Variants in PIK3CD observed in about 807,000 individuals in gnomAD.
The protein encoded by PIK3CD is phosphatidylinositol 4,5-bisphosphate 3-kinase catalytic subunit delta isoform.
Under a neutral mutation model 122.9 loss-of-function variants are expected in PIK3CD, and 20 were observed. The ratio of observed to expected loss-of-function variants is 0.16; its 90% confidence interval spans 0.11 to 0.24. The LOEUF is 0.24. PIK3CD is among the 10% of genes least tolerant of loss of function. The pLI, the probability that PIK3CD is intolerant of heterozygous loss-of-function variation, is 1.00. For missense variants in PIK3CD, 787 were observed against 1,406.3 expected (o/e 0.56, Z 7.04); for synonymous variants, 596 against 593.4 (o/e 1.00, Z -0.06).
intron 2 of PIK3CD, among the ~76,000 whole-genome samples, chr1:9,699,075 G>A (rs1646526141): frequency 6.6e-6 from 1 of 152,118 alleles, no homozygotes; most frequent in South Asian, 2.1e-4. Context: ...GCACAGTGCA[G>A]TGATTTGTGT....
intron 1 of PIK3CD, among the ~76,000 whole-genome samples, chr1:9,670,131 CA>C (rs1645278727): frequency 1.0e-5 from 1 of 96,552 alleles, no homozygotes. Flanking sequence ...GCCTGGGTGA[CA>C]AGAGAGAAAT....
At chr1:9,684,812 C>G (rs1037424208) in intron 1 of PIK3CD, among the ~76,000 whole-genome samples, 1 of 146,098 alleles carries the variant, frequency 6.8e-6, no homozygotes, top group Admixed American at 7.0e-5. Context: ...CGCCACTGCA[C>G]TCCAGCCTGG....
intron 2 of PIK3CD, among the ~76,000 whole-genome samples, chr1:9,702,120 G>T (rs772489619): frequency 6.6e-6 from 1 of 151,414 alleles, no homozygotes; most frequent in Non-Finnish European, 1.5e-5. Flanking sequence ...TCAGCCTCCC[G>T]AGTAGCTGGG....
chr1:9,713,090 G>A lies in PIK3CD; in HGVS notation c.142-2451G>A, dbSNP rs183787654. Among the ~76,000 whole-genome samples, 362 of 152,292 alleles carry A rather than the reference G, an allele frequency of 2.4e-3. 6 individuals carry two copies. The South Asian group carries it at 0.029, about 12-fold the overall frequency. On this transcript the variant is annotated intron_variant, in intron 3 of 23. Transcript: ENST00000377346. Reference sequence around the variant, plus strand: ...CCCAGCTACTCGGGAGGCTGAGGCCGAAGAATTGCTTGAACCTGGGAGGTG... The same window carrying A: ...CCCAGCTACTCGGGAGGCTGAGGCCAAAGAATTGCTTGAACCTGGGAGGTG...
At chr1:9,713,853 CT>C (rs59908140) in intron 3 of PIK3CD, among the ~76,000 whole-genome samples, 20,721 of 131,558 alleles carry the variant, frequency 0.16, 1,772 homozygotes, top group South Asian at 0.36. Context: ...TATTTTTATA[CT>C]TTTTTTTTTT....
chr1:9,683,816 A>C (rs1645864126), intron 1 of PIK3CD, among the ~76,000 whole-genome samples: 1 of 152,154 alleles, frequency 6.6e-6, no homozygotes, highest in Non-Finnish European at 1.5e-5. Context: ...TCAGCTGGGA[A>C]GACTCTCAAG....
chr1:9,704,549 A>G lies in PIK3CD; in HGVS notation c.-32-5875A>G, dbSNP rs568009616. Reference sequence around the variant, plus strand: ...TGTTTTTGAGACAGGGTCTCACTCTATTGCCCAGGCTGGAGTGCAGTGGCA... The same window carrying G: ...TGTTTTTGAGACAGGGTCTCACTCTGTTGCCCAGGCTGGAGTGCAGTGGCA... On this transcript the variant is annotated intron_variant, in intron 2 of 23. Coordinates refer to ENST00000377346, the MANE Select transcript of PIK3CD (RefSeq NM_005026.5). The surrounding 1 kb of genome is among the most constrained non-coding windows in gnomAD (Gnocchi z 5.0). 1.2e-4 allele frequency among the ~76,000 whole-genome samples: 18 copies of G among 152,130 alleles called. No individual in the cohort carries two copies. The highest frequency in any genetic ancestry group is 3.4e-3 in the Middle Eastern group (1 of 294).
At chr1:9,633,435 G>C in the PIK3CD span, among the ~76,000 whole-genome samples, 1 of 152,070 alleles carries the variant, frequency 6.6e-6, no homozygotes, top group Non-Finnish European at 1.5e-5. Flanking sequence ...AGCCTCCCTA[G>C]TAGCTGGGAT....
intron 2 of PIK3CD, among the ~76,000 whole-genome samples, chr1:9,701,794 G>A (rs567421231): frequency 8.5e-5 from 13 of 152,186 alleles, no homozygotes; most frequent in African/African-American, 3.1e-4. Flanking sequence ...GTACAGGCAG[G>A]GAGAACCTGG....
upstream of PIK3CD, among the ~76,000 whole-genome samples, chr1:9,648,309 C>G (rs1445965296): frequency 1.3e-5 from 2 of 152,218 alleles, no homozygotes; most frequent in Non-Finnish European, 1.5e-5. Flanking sequence ...CCTCCATTCT[C>G]CCGGCAGCAT....
In PIK3CD at chr1:9,718,046, G is replaced by A. The variant is rs1353911660; in HGVS notation, c.1020+420G>A. 8.4e-6 allele frequency: 4 copies of A among 477,876 alleles called. No individual in the cohort carries two copies. Among genetic ancestry groups the A allele is most frequent in the Non-Finnish European group, 1.7e-5 (4 of 242,018 alleles). The allele number at this position is 477,876 out of a possible 1,614,324, so 29.6% of individuals were successfully genotyped here. A position where few individuals can be genotyped will look rare whatever the true frequency, so the allele number is the denominator to read the frequency against. On this transcript the variant is annotated intron_variant, in intron 8 of 23. Coordinates refer to ENST00000377346, the MANE Select transcript of PIK3CD (RefSeq NM_005026.5). The surrounding 1 kb of genome is among the most constrained non-coding windows in gnomAD (Gnocchi z 7.2). The stretch of plus-strand genomic sequence containing the variant: ...GCTGCACCTGCCTCAACCTCTAGGG[G>A]CTGAGCCCACCTCCCTGTTGTCTCT...
chr1:9,703,653 TGA>T (rs1411280080), intron 2 of PIK3CD, among the ~76,000 whole-genome samples: 3 of 152,214 alleles, frequency 2.0e-5, no homozygotes, highest in Non-Finnish European at 4.4e-5. Context: ...TTTATGTGTG[TGA>T]GAGTCATCGA....
Position 9,722,187 on chromosome 1 carries a change from A to G in PIK3CD, c.2234+34A>G. The G allele has an allele frequency of 6.2e-7, 1 of 1,611,618 alleles. No individual in the cohort carries two copies. The highest frequency in any genetic ancestry group is 8.5e-7 in the Non-Finnish European group (1 of 1,179,232). On this transcript the variant is annotated intron_variant, in intron 17 of 23. Transcript: ENST00000377346. This position sits in a 1 kb window ranked among gnomAD's most constrained non-coding sequence, Gnocchi z 7.6. ...AAGCCCCGCCACAAGGGTTCCTCCC[A>G]CCCCTGGGAGGCCGGTAGAGGAGCC...
At chr1:9,684,015 C>T (rs1002079178) in intron 1 of PIK3CD, among the ~76,000 whole-genome samples, 1 of 152,096 alleles carries the variant, frequency 6.6e-6, no homozygotes, top group Non-Finnish European at 1.5e-5. Flanking sequence ...GTAGTCAGAC[C>T]TCTAACTTAA....
At chr1:9,629,560 G>A in the PIK3CD span, among the ~76,000 whole-genome samples, 2 of 149,462 alleles carry the variant, frequency 1.3e-5, no homozygotes, top group Admixed American at 1.4e-4. Context: ...CGACCCTGCC[G>A]TGGGAAAGGC....
intron 1 of PIK3CD, chr1:9,653,830 G>A: frequency 1.5e-6 from 2 of 1,367,628 alleles, no homozygotes; most frequent in Non-Finnish European, 2.0e-6. Flanking sequence ...GAGGCCTGCT[G>A]GCGGCTTCCT....
intron 1 of PIK3CD, among the ~76,000 whole-genome samples, chr1:9,684,861 A>AG (rs1375631136): frequency 5.3e-5 from 8 of 149,820 alleles, no homozygotes; most frequent in African/African-American, 1.5e-4. Flanking sequence ...AAAAAAAAAA[A>AG]GAAAGAAAAA....
intron 2 of PIK3CD, among the ~76,000 whole-genome samples, chr1:9,703,185 A>G (rs1646711194): frequency 6.6e-6 from 1 of 152,224 alleles, no homozygotes; most frequent in Non-Finnish European, 1.5e-5. Flanking sequence ...AGAAGCCTAG[A>G]TGTCAAAACC....
rs1470369137 is a variant in PIK3CD, at chr1:9,652,218, G to T, written c.-138+416G>T. On this transcript the variant is annotated intron_variant, in intron 1 of 23. Transcript: ENST00000377346. This position sits in a 1 kb window ranked among gnomAD's most constrained non-coding sequence, Gnocchi z 6.2. Reference sequence around the variant, plus strand: ...CTCAGCGCGTGCGCCCGCTCCGAGCGCTGACTAGAGGACCAGGGGCCTCCT... The same window carrying T: ...CTCAGCGCGTGCGCCCGCTCCGAGCTCTGACTAGAGGACCAGGGGCCTCCT... 1.6e-4 allele frequency among the ~76,000 whole-genome samples: 25 copies of T among 152,204 alleles called. No individual in the cohort carries two copies. The highest frequency in any genetic ancestry group is 1.4e-3 in the Admixed American group (22 of 15,288).
Sources: gnomAD v4.1 joint callset for allele counts (sites outside exome capture counted in the v4.1 genomes callset) on GRCh38, gnomAD v4.1.1 for gene constraint, Gnocchi (gnomAD v3.1) non-coding constraint, MANE v1.5 for transcripts, NCBI Gene and HGNC (gene_info 2026-07-23, HGNC 2026-07-21) for gene names.